The following ALS2CL variants were observed in gnomAD, a reference collection of about 807,000 sequenced individuals.
The protein encoded by ALS2CL is ALS2 C-terminal like.
ALS2CL carries 112 observed loss-of-function variants against 127.9 expected under a neutral mutation model. That is an observed-to-expected ratio of 0.88 (90% confidence interval 0.75 to 1.02). The LOEUF (loss-of-function observed/expected upper bound fraction) is 1.02. Ranked by LOEUF, ALS2CL falls within the 50% of genes least tolerant of loss-of-function variation. ALS2CL has a pLI of 0.00. For missense variants in ALS2CL, 1,174 were observed against 1,236.7 expected, an observed-to-expected ratio of 0.95 and a Z score of 0.76; for synonymous variants, 519 against 527.6, an observed-to-expected ratio of 0.98 and a Z score of 0.22.
chr3:46,684,066 A>G lies in ALS2CL; in HGVS notation c.787-19T>C. On this transcript the variant is annotated intron_variant, in intron 7 of 25. Transcript: ENST00000318962. Reference sequence around the variant, plus strand: ...TGTGGCCCTGGAAGAGGATGGACACAGGAGTCATCCAGAGCCCAGGCCAGA... The same window carrying G: ...TGTGGCCCTGGAAGAGGATGGACACGGGAGTCATCCAGAGCCCAGGCCAGA... 1 of 1,552,024 alleles carries G rather than the reference A, an allele frequency of 6.4e-7. No homozygotes were observed. Among genetic ancestry groups the G allele is most frequent in the Non-Finnish European group, 8.7e-7 (1 of 1,147,598 alleles).
intron 18 of ALS2CL, 118 bp from the exon 19 acceptor site, chr3:46,676,520 G>A: frequency 6.5e-7 from 1 of 1,540,690 alleles, no homozygotes; most frequent in East Asian, 2.3e-5. Flanking sequence ...GAGGTCCTCT[G>A]AGGACAAGGG....
intron 20 of ALS2CL, 99 bp downstream of exon 20, chr3:46,675,519 C>T: frequency 2.6e-6 from 3 of 1,165,128 alleles, no homozygotes; most frequent in Non-Finnish European, 3.8e-6. Flanking sequence ...ATGCCCAGCA[C>T]TTCCCCAGAA....
intron 1 of ALS2CL, among the ~76,000 whole-genome samples, chr3:46,692,922 G>A (rs113393595): frequency 0.014 from 2,195 of 152,258 alleles, 56 homozygotes; most frequent in African/African-American, 0.05. Flanking sequence ...CACTCACTCT[G>A]GTATTTCCTG....
At position 46,675,670 on chromosome 3, in the gene ALS2CL, C is replaced by T; in HGVS notation, c.2203G>A (p.Ala735Thr). The T allele has an allele frequency of 6.2e-7, 1 of 1,613,770 alleles. No individual in the cohort carries two copies. Among genetic ancestry groups the T allele is most frequent in the South Asian group, 1.1e-5 (1 of 91,084 alleles). The change falls in exon 20 of 26, where the codon GCC becomes ACC. Residue 735 changes from alanine to threonine, a missense_variant. Ala to Thr is a moderately conservative substitution (Grantham distance 58, BLOSUM62 0). Transcript: ENST00000318962. Reference sequence around the variant, plus strand: ...AGGGCCTGGCCCTTGCGCTCTAAGGCAACTCGCAGCAGACCCCTGTGAGTC... The same window carrying T: ...AGGGCCTGGCCCTTGCGCTCTAAGGTAACTCGCAGCAGACCCCTGTGAGTC... ...WAAYRGLLRV[A>T]LERKGQALEE... is the part of the protein sequence containing the mutation.
chr3:46,679,113 T>A, intron 15 of ALS2CL, 97 bp downstream of exon 15: 2 of 1,294,108 alleles, frequency 1.5e-6, no homozygotes, highest in Non-Finnish European at 2.1e-6. Flanking sequence ...GGACAGGCCC[T>A]CCCCTACCTG....
In ALS2CL at chr3:46,672,007, A is replaced by G. The variant is rs1343330442; in HGVS notation, c.2561T>C (p.Leu854Pro). The stretch of plus-strand genomic sequence containing the variant: ...CCCGTATGTCCTCTCCAGCACCTCC[A>G]GCTTCTCCCGTGGGTCCACCGTGGT... Reference protein sequence around the residue: ...IMTTVDPREKLEVLERTYGEI... With the variant: ...IMTTVDPREKPEVLERTYGEI... Residue 854 changes from leucine to proline, a missense_variant, in exon 24 of 26, where the codon CTG becomes CCG. Leu to Pro is a moderately conservative substitution (Grantham distance 98). Transcript: ENST00000318962. 2 of 1,613,870 alleles carry G rather than the reference A, an allele frequency of 1.2e-6. No individual in the cohort carries two copies. Among genetic ancestry groups the G allele is most frequent in the East Asian group, 2.2e-5 (1 of 44,872 alleles).
At position 46,685,541 on chromosome 3, in the gene ALS2CL, G is replaced by T. The variant is rs781492765; in HGVS notation, c.770C>A (p.Ala257Asp). ...RAERVLLFDD[A>D]LVLLQGHNVH... ...CACCCCAACCTGCAGCAGGACGAGG[G>T]CATCATCAAAGAGCAGCACACGCTC... The change falls in exon 7 of 26, where the codon GCC (alanine) becomes GAC (aspartate). Residue 257 changes from alanine to aspartate, a missense_variant. Coordinates refer to ENST00000318962, the MANE Select transcript of ALS2CL (RefSeq NM_147129.5). 9 of 1,613,894 alleles carry T rather than the reference G, an allele frequency of 5.6e-6. No homozygotes were observed. The highest frequency in any genetic ancestry group is 3.3e-5 in the South Asian group (3 of 91,074).
In ALS2CL at chr3:46,681,611, T is replaced by C. The variant is rs1699355323; in HGVS notation, c.1176-13A>G. ...GCGGATGCCGAAGCTGACAGCATGG[T>C]TGTGGGGGTGGGGATCAGCCCTGAC... On this transcript the variant is annotated splice_polypyrimidine_tract_variant and intron_variant, in intron 11 of 25. Transcript: ENST00000318962. This position sits in a 1 kb window ranked among gnomAD's most constrained non-coding sequence, Gnocchi z 4.9. 2 of 1,613,612 alleles carry C rather than the reference T, an allele frequency of 1.2e-6. No homozygotes were observed. The highest frequency in any genetic ancestry group is 1.7e-5 in the Admixed American group (1 of 59,978).
intron 14 of ALS2CL, 195 bp downstream of exon 14, chr3:46,680,234 AG>A: frequency 1.7e-6 from 1 of 584,990 alleles, no homozygotes; most frequent in Non-Finnish European, 3.0e-6. Context: ...AACCAAGGTC[AG>A]GCAGAGCAGG....
At chr3:46,687,952 G>T in intron 3 of ALS2CL, 146 bp downstream of exon 3, 1 of 1,059,716 alleles carries the variant, frequency 9.4e-7, no homozygotes. Context: ...AGGTGAGGCT[G>T]AACCCAGGTG....
In ALS2CL at chr3:46,681,916, C is replaced by A; in HGVS notation, c.1175+113G>T. The A allele has an allele frequency of 3.0e-6, 4 of 1,320,418 alleles. No homozygotes were observed. Among genetic ancestry groups the A allele is most frequent in the Non-Finnish European group, 4.2e-6 (4 of 944,570 alleles). 81.8% of individuals were successfully genotyped at this position (1,320,418 alleles called of 1,614,324 possible). A position where few individuals can be genotyped will look rare whatever the true frequency, so the allele number is the denominator to read the frequency against. ...GGCTGGACCGGATTGTCTCTAAGTT[C>A]CTGCTTGAGGTTTGGGAATTCAGGA... On this transcript the variant is annotated intron_variant, in intron 11 of 25. Transcript: ENST00000318962. The surrounding 1 kb of genome is among the most constrained non-coding windows in gnomAD (Gnocchi z 4.9).
rs1397303289 is a variant in ALS2CL at position 46,680,205 on chromosome 3, C to T, written c.1548+225G>A. The T allele has an allele frequency of 2.9e-5, 16 of 559,126 alleles. 1 individual carries two copies. The East Asian group carries it at 3.2e-4, about 11-fold the overall frequency. 34.6% of individuals were successfully genotyped at this position (559,126 alleles called of 1,614,324 possible). On this transcript the variant is annotated intron_variant, in intron 14 of 25. Transcript: ENST00000318962. ...TTGAGTCTATGGTAAGTATTCTTAACCTGAGTTGCTGATGGGGAAACCAAG... is the reference window on the plus strand; with the variant it reads ...TTGAGTCTATGGTAAGTATTCTTAATCTGAGTTGCTGATGGGGAAACCAAG...
At chr3:46,675,774 G>A in intron 19 of ALS2CL, 88 bp from the exon 20 acceptor site, 1 of 1,598,344 alleles carries the variant, frequency 6.3e-7, no homozygotes, top group Non-Finnish European at 8.5e-7. Flanking sequence ...AAAAGCAGGT[G>A]GCCTCTCAGA....
chr3:46,691,090 G>T (rs1251139396), intron 1 of ALS2CL, among the ~76,000 whole-genome samples: 1 of 152,208 alleles, frequency 6.6e-6, no homozygotes, highest in Non-Finnish European at 1.5e-5. Context: ...GGCCCCTGAG[G>T]CAGACCCAGG....
At position 46,677,490 on chromosome 3, in the gene ALS2CL, G is replaced by A. The variant is rs780371084; in HGVS notation, c.1758-468C>T. On this transcript the variant is annotated intron_variant, in intron 16 of 25. Transcript: ENST00000318962. ...AGCCCTGCACTCCAGTGTCATGCTC[G>A]TAGGCTACACGCAGCCCACACTCAC... is the stretch of plus-strand genomic sequence containing the variant. 3.5e-5 allele frequency: 27 copies of A among 775,836 alleles called. No homozygotes were observed. In the Admixed American group the frequency reaches 7.3e-4, roughly 21 times the overall value. 48.1% of individuals were successfully genotyped at this position (775,836 alleles called of 1,614,324 possible). A position where few individuals can be genotyped will look rare whatever the true frequency, so the allele number is the denominator to read the frequency against.
chr3:46,679,063 G>A (rs1036416182), intron 15 of ALS2CL, 147 bp downstream of exon 15: 28 of 742,566 alleles, frequency 3.8e-5, no homozygotes, highest in Non-Finnish European at 5.9e-5. Flanking sequence ...CTGTGGCAGG[G>A]TGGAGTTGCT....
At chr3:46,692,166 C>T (rs1378661257) in intron 1 of ALS2CL, among the ~76,000 whole-genome samples, 5 of 152,064 alleles carry the variant, frequency 3.3e-5, no homozygotes, top group African/African-American at 1.2e-4. Flanking sequence ...AGCTGGGATT[C>T]TGGTTAGGTG....
At chr3:46,675,028 G>A (rs1698699497) in intron 20 of ALS2CL, 1 of 350,648 alleles carries the variant, frequency 2.9e-6, no homozygotes, top group African/African-American at 2.1e-5. Flanking sequence ...CCAGCAACTT[G>A]CAGCTGAGCT....
At chr3:46,692,971 T>C (rs1700250164) in intron 1 of ALS2CL, among the ~76,000 whole-genome samples, 1 of 152,072 alleles carries the variant, frequency 6.6e-6, no homozygotes, top group South Asian at 2.1e-4. Flanking sequence ...CTGTGGAGGC[T>C]TTTTCATGGG....
Sources: gnomAD v4.1 joint callset for allele counts (sites outside exome capture counted in the v4.1 genomes callset) on GRCh38, gnomAD v4.1.1 for gene constraint, Gnocchi (gnomAD v3.1) non-coding constraint, MANE v1.5 for transcripts, NCBI Gene and HGNC (gene_info 2026-07-23, HGNC 2026-07-21) for gene names.